Variants in UBAP2L observed in about 807,000 individuals in gnomAD.
UBAP2L encodes the protein ubiquitin-associated protein 2-like.
UBAP2L carries 12 observed loss-of-function variants against 130.6 expected under a neutral mutation model. The observed-to-expected ratio is 0.09, with a 90% CI of 0.06 to 0.15. The LOEUF is 0.15. UBAP2L is among the 10% of genes least tolerant of loss of function. UBAP2L has a pLI of 1.00. For synonymous variants in UBAP2L, 503 were observed against 524.7 expected (o/e 0.96, Z 0.57); for missense variants, 965 against 1,332.5 (o/e 0.72, Z 4.29).
intron 12 of UBAP2L, among the ~76,000 whole-genome samples, chr1:154,250,268 G>C (rs1019091835): frequency 3.9e-5 from 6 of 152,144 alleles, no homozygotes; most frequent in African/African-American, 1.4e-4. Context: ...GTGTTGCCCA[G>C]GTGTGTCTCT....
chr1:154,268,731 C>G lies in UBAP2L; in HGVS notation c.2971-26C>G, dbSNP rs199872009. The G allele has an allele frequency of 1.1e-5, 18 of 1,612,570 alleles. No homozygotes were observed. In the East Asian group the frequency reaches 1.3e-4, roughly 12 times the overall value. On this transcript the variant is annotated intron_variant, in intron 25 of 26. Coordinates refer to ENST00000428931, the MANE Select transcript of UBAP2L (RefSeq NM_014847.4). ...GACTAGTTTGCTGATCCCTTTTACT[C>G]TGTCTCCTCCTGGCCTCCTGGATAG...
chr1:154,259,907 A>C, intron 21 of UBAP2L, 41 bp from the exon 22 acceptor site: 1 of 1,573,442 alleles, frequency 6.4e-7, no homozygotes, highest in South Asian at 1.1e-5. Context: ...CTGGGGAATG[A>C]GTGACATTGA....
Position 154,270,457 on chromosome 1 carries a change from C to T in UBAP2L, c.*162C>T, listed in dbSNP as rs932631161. ...GCTTCATGTCTGTCCCATTCCTATACCATCCCCACCCTGTTGTATGTATTA... is the reference window on the plus strand; with the variant it reads ...GCTTCATGTCTGTCCCATTCCTATATCATCCCCACCCTGTTGTATGTATTA... On this transcript the variant is annotated 3_prime_UTR_variant, in exon 27 of 27. Transcript: ENST00000428931. 168 of 1,475,316 alleles carry T rather than the reference C, an allele frequency of 1.1e-4. No individual in the cohort carries two copies. Among genetic ancestry groups the T allele is most frequent in the Non-Finnish European group, 1.4e-4 (155 of 1,108,190 alleles). The allele number at this position is 1,475,316 out of a possible 1,614,324, so 91.4% of individuals were successfully genotyped here.
rs1303177859 is a variant in UBAP2L, at chr1:154,261,598, C to T, written c.2803C>T (p.Pro935Ser). 1 of 1,613,972 alleles carries T rather than the reference C, an allele frequency of 6.2e-7. No individual in the cohort carries two copies. Among genetic ancestry groups the T allele is most frequent in the African/African-American group, 1.3e-5 (1 of 74,876 alleles). The change falls in exon 24 of 27, where the codon CCT becomes TCT. Residue 935 changes from proline to serine, a missense_variant. Physicochemically the swap from Pro to Ser is moderately conservative, Grantham distance 74 (BLOSUM62 -1). This residue lies in a region of UBAP2L where 194 missense variants were observed against 334.0 expected (regional missense o/e 0.58). Coordinates refer to ENST00000428931, the MANE Select transcript of UBAP2L (RefSeq NM_014847.4). ...TGGCCTTTTTGCTCTTTAGGTGGCT[C>T]CTACCTCTTCCAAGCAGCATGGTGT... Reference protein sequence around the residue: ...QYGPAVFPVAPTSSKQHGVNV... With the variant: ...QYGPAVFPVASTSSKQHGVNV...
In UBAP2L at chr1:154,227,265, C is replaced by T; in HGVS notation, c.91-17C>T. ...TGCCTCATGATTATGCTTTCTTGAT[C>T]TCATCTCAATTCCTAGGCCACTGCA... On this transcript the variant is annotated splice_polypyrimidine_tract_variant and intron_variant, in intron 2 of 26. Transcript: ENST00000428931. The T allele has an allele frequency of 1.9e-6, 3 of 1,539,460 alleles. No homozygotes were observed. The highest frequency in any genetic ancestry group is 1.7e-5 in the Admixed American group (1 of 59,802).
intron 6 of UBAP2L, among the ~76,000 whole-genome samples, chr1:154,235,993 G>C (rs909164895): frequency 3.3e-5 from 5 of 152,194 alleles, no homozygotes; most frequent in Admixed American, 1.3e-4. Flanking sequence ...CAGAAGGGGA[G>C]AGTGAGAAAG....
At chr1:154,268,500 T>G (rs950214081) in intron 25 of UBAP2L, among the ~76,000 whole-genome samples, 1 of 152,220 alleles carries the variant, frequency 6.6e-6, no homozygotes, top group Non-Finnish European at 1.5e-5. Flanking sequence ...CTATTTGGTC[T>G]TTACAACAGG....
At chr1:154,265,767 T>C (rs1022125589) in intron 24 of UBAP2L, among the ~76,000 whole-genome samples, 1 of 138,058 alleles carries the variant, frequency 7.2e-6, no homozygotes, top group Admixed American at 7.0e-5. Context: ...ACGGAGAAGC[T>C]GAAGTTGTAT....
chr1:154,268,000 C>T (rs1683856284), intron 25 of UBAP2L, among the ~76,000 whole-genome samples: 1 of 149,058 alleles, frequency 6.7e-6, no homozygotes, highest in Non-Finnish European at 1.5e-5. Flanking sequence ...AGCGATTCTC[C>T]TGCCTCAGCC....
intron 14 of UBAP2L, among the ~76,000 whole-genome samples, chr1:154,252,088 C>T (rs1571861917): frequency 6.6e-6 from 1 of 151,928 alleles, no homozygotes; most frequent in African/African-American, 2.4e-5. Flanking sequence ...ATTCTCCTGC[C>T]TCAGCCTCCC....
chr1:154,266,328 G>A, intron 24 of UBAP2L, 173 bp from the exon 25 acceptor site: 1 of 694,410 alleles, frequency 1.4e-6, no homozygotes, highest in Non-Finnish European at 2.6e-6. Context: ...GAACCCTTAG[G>A]GAGCTTTTGT....
intron 4 of UBAP2L, among the ~76,000 whole-genome samples, chr1:154,229,182 A>G (rs1331374705): frequency 6.6e-6 from 1 of 151,866 alleles, no homozygotes; most frequent in African/African-American, 2.4e-5. Flanking sequence ...TCAGCTTCGC[A>G]TTGCACACTA....
rs1272394115 is a variant in UBAP2L, at chr1:154,254,606, T to C, written c.1855-230T>C. ...TTCAACAATTTGTAGGGTTTCCTTCTTTTGCTTTTGGTCACACAGTGTTGG... is the reference window on the plus strand; with the variant it reads ...TTCAACAATTTGTAGGGTTTCCTTCCTTTGCTTTTGGTCACACAGTGTTGG... On this transcript the variant is annotated intron_variant, in intron 15 of 26. Coordinates refer to ENST00000428931, the MANE Select transcript of UBAP2L (RefSeq NM_014847.4). 50 of 567,972 alleles carry C rather than the reference T, an allele frequency of 8.8e-5. No homozygotes were observed. The Admixed American group carries it at 1.8e-3, about 20-fold the overall frequency. The allele number at this position is 567,972 out of a possible 1,614,324, so 35.2% of individuals were successfully genotyped here.
At chr1:154,253,477 CG>C (rs58952748) in intron 14 of UBAP2L, among the ~76,000 whole-genome samples, 3,324 of 151,364 alleles carry the variant, frequency 0.022, 107 homozygotes, top group African/African-American at 0.078. Context: ...CTGCGCCTCC[CG>C]GGTTCATGCC....
chr1:154,248,555 G>A (rs1676392031), intron 11 of UBAP2L, among the ~76,000 whole-genome samples: 2 of 152,132 alleles, frequency 1.3e-5, no homozygotes, highest in South Asian at 4.1e-4. Context: ...GATGGCTCAC[G>A]CCTCTAATCC....
At chr1:154,251,742 A>G (rs1416910229) in intron 14 of UBAP2L, 89 bp downstream of exon 14, 3 of 1,480,526 alleles carry the variant, frequency 2.0e-6, no homozygotes, top group Non-Finnish European at 1.8e-6. Flanking sequence ...TGGAGAGGCC[A>G]AGCCCCTCTG....
At chr1:154,266,286 G>A (rs1413496014) in intron 24 of UBAP2L, among the ~76,000 whole-genome samples, 1 of 152,100 alleles carries the variant, frequency 6.6e-6, no homozygotes, top group African/African-American at 2.4e-5. Flanking sequence ...TCTCTCTCAC[G>A]TATACTCAAC....
intron 20 of UBAP2L, chr1:154,257,639 T>A (rs967661669): frequency 6.4e-5 from 38 of 591,778 alleles, no homozygotes; most frequent in Non-Finnish European, 1.1e-4. Flanking sequence ...TTGGAAAAAA[T>A]TCATATATAA....
chr1:154,270,475 A>G lies in UBAP2L; in HGVS notation c.*180A>G. ...TCCTATACCATCCCCACCCTGTTGT[A>G]TGTATTATAGGATTTGTATTTTCTC... On this transcript the variant is annotated 3_prime_UTR_variant, in exon 27 of 27. Transcript: ENST00000428931. 6.7e-7 allele frequency: 1 copy of G among 1,488,832 alleles called. No homozygotes were observed. The highest frequency in any genetic ancestry group is 8.9e-7 in the Non-Finnish European group (1 of 1,125,046). The allele number at this position is 1,488,832 out of a possible 1,614,324, so 92.2% of individuals were successfully genotyped here.
Sources: allele counts gnomAD v4.1 joint callset (sites outside exome capture counted in the v4.1 genomes callset), GRCh38; gene constraint gnomAD v4.1.1; regional missense constraint gnomAD v4.1.1; transcripts MANE v1.5; gene names NCBI Gene and HGNC (gene_info 2026-07-23, HGNC 2026-07-21).